The following JCAD variants were observed in gnomAD, a reference collection of about 807,000 sequenced individuals.
JCAD encodes junctional cadherin 5 associated.
In JCAD, 40 loss-of-function variants were observed where a neutral mutation model predicts 98.0. The ratio of observed to expected loss-of-function variants is 0.41; its 90% CI spans 0.32 to 0.53. JCAD has a LOEUF of 0.53. Among genes scored for constraint, JCAD ranks in the 20% least tolerant of loss-of-function variants. The pLI, the probability that JCAD is intolerant of heterozygous loss-of-function variation, is 0.31. For missense variants in JCAD, 1,705 were observed against 1,738.1 expected, an observed-to-expected ratio of 0.98 and a Z score of 0.34; for synonymous variants, 691 against 682.3, an observed-to-expected ratio of 1.01 and a Z score of -0.20.
intron 2 of JCAD, among the ~76,000 whole-genome samples, chr10:30,034,668 G>A (rs1418765764): frequency 6.6e-6 from 1 of 152,026 alleles, no homozygotes. Context: ...AAGCCACAGA[G>A]TCCTCCCCTG....
chr10:30,063,080 T>C (rs1195150045), upstream of JCAD, among the ~76,000 whole-genome samples: 1 of 151,590 alleles, frequency 6.6e-6, no homozygotes, highest in African/African-American at 2.4e-5. Context: ...CCCTTATCCC[T>C]ACCCACTCCC....
At position 30,027,557 on chromosome 10, in the gene JCAD, G is replaced by A. The variant is rs1836856136; in HGVS notation, c.2591C>T (p.Ala864Val). ...SSSSSSEESEAEPQQENRAHC... is the reference protein window; with the variant it reads ...SSSSSSEESEVEPQQENRAHC... ...AGCACGGTTCTCCTGCTGCGGCTCC[G>A]CCTCACTCTCCTCACTGCTGCTGCT... The change falls in exon 3 of 4, where the codon GCG (alanine) becomes GTG (valine). Residue 864 changes from alanine to valine, a missense_variant. By Grantham distance (64) the Ala-to-Val change is moderately conservative. Transcript: ENST00000375377. 1.2e-6 allele frequency: 2 copies of A among 1,613,882 alleles called. No individual in the cohort carries two copies. The highest frequency in any genetic ancestry group is 1.7e-6 in the Non-Finnish European group (2 of 1,180,038).
In JCAD at chr10:30,027,071, CCACCACTGT is replaced by C. The variant is rs1564442012; in HGVS notation, c.3068_3076del (p.Asp1023_Gly1025del). 2 of 1,614,232 alleles carry C rather than the reference CCACCACTGT, an allele frequency of 1.2e-6. No individual in the cohort carries two copies. The highest frequency in any genetic ancestry group is 1.7e-6 in the Non-Finnish European group (2 of 1,180,036). ...CAGTGGGAGCCCTGCCCCCCTCTCT[CCACCACTGT>C]CAAACTTCCGAGGGACCGCTTCACT... is the stretch of plus-strand genomic sequence containing the variant. On this transcript the variant is annotated inframe_deletion, in exon 3 of 4. Coordinates refer to ENST00000375377, the MANE Select transcript of JCAD (RefSeq NM_020848.4).
At chr10:30,031,303 G>T (rs1386095598) in intron 2 of JCAD, among the ~76,000 whole-genome samples, 1 of 151,832 alleles carries the variant, frequency 6.6e-6, no homozygotes, top group Non-Finnish European at 1.5e-5. Context: ...TAATTTTTAA[G>T]ATGTTTTTGT....
intron 1 of JCAD, among the ~76,000 whole-genome samples, chr10:30,086,349 A>G (rs984187265): frequency 5.9e-5 from 9 of 152,238 alleles, no homozygotes; most frequent in Admixed American, 4.6e-4. Context: ...GCATTCACTG[A>G]CAGGGCAGAA....
At chr10:30,096,724 G>A (rs796505303) in intron 1 of JCAD, among the ~76,000 whole-genome samples, 5 of 151,946 alleles carry the variant, frequency 3.3e-5, no homozygotes, top group African/African-American at 1.2e-4. Flanking sequence ...AGGCTCAGGT[G>A]GCGTCATGGA....
In JCAD at chr10:30,037,473, G is replaced by A. The variant is rs988418788; in HGVS notation, c.282-7607C>T. On this transcript the variant is annotated intron_variant, in intron 2 of 3. Coordinates refer to ENST00000375377, the MANE Select transcript of JCAD (RefSeq NM_020848.4). Reference sequence around the variant, plus strand: ...AATTTGAACAAGAATTGTAGGTTGCGCTGGCAGAATGGTAACTAGAAAATC... The same window carrying A: ...AATTTGAACAAGAATTGTAGGTTGCACTGGCAGAATGGTAACTAGAAAATC... Among the ~76,000 whole-genome samples, 6 of 152,334 alleles carry A rather than the reference G, an allele frequency of 3.9e-5. No individual in the cohort carries two copies. In the South Asian group the frequency reaches 8.3e-4, roughly 21 times the overall value.
chr10:30,020,094 C>A (rs1027191703), intron 3 of JCAD, among the ~76,000 whole-genome samples: 1 of 151,586 alleles, frequency 6.6e-6, no homozygotes, highest in African/African-American at 2.4e-5. Flanking sequence ...TTTAGGAGGC[C>A]GAGACAGGTG....
chr10:30,057,517 G>A (rs1478000879), intron 1 of JCAD, among the ~76,000 whole-genome samples: 2 of 152,126 alleles, frequency 1.3e-5, no homozygotes, highest in Non-Finnish European at 2.9e-5. Flanking sequence ...TAACCCTGAT[G>A]ACTTTGTCAA....
chr10:30,036,372 C>T (rs1589686756), intron 2 of JCAD, among the ~76,000 whole-genome samples: 1 of 152,042 alleles, frequency 6.6e-6, no homozygotes, highest in African/African-American at 2.4e-5. Context: ...TGGCTTGAAC[C>T]CAGGAGGTGG....
intron 1 of JCAD, among the ~76,000 whole-genome samples, chr10:30,092,633 C>T (rs1003126754): frequency 3.3e-5 from 5 of 152,168 alleles, no homozygotes; most frequent in Admixed American, 2.0e-4. Context: ...TTTCTCCTTC[C>T]TGTGGGCAGG....
chr10:30,031,589 C>G (rs953349190), intron 2 of JCAD, among the ~76,000 whole-genome samples: 1 of 151,000 alleles, frequency 6.6e-6, no homozygotes, highest in Admixed American at 6.6e-5. Context: ...TTACAGGCAC[C>G]TGCCACCACA....
intron 1 of JCAD, among the ~76,000 whole-genome samples, chr10:30,048,190 T>C (rs1837395263): frequency 6.6e-6 from 1 of 152,144 alleles, no homozygotes; most frequent in Non-Finnish European, 1.5e-5. Flanking sequence ...ACCTTCCCCT[T>C]GTCCCACTCA....
At chr10:30,039,780 C>G (rs1183799670) in intron 2 of JCAD, among the ~76,000 whole-genome samples, 1 of 152,052 alleles carries the variant, frequency 6.6e-6, no homozygotes, top group African/African-American at 2.4e-5. Flanking sequence ...ACTGGAGGGG[C>G]GGCGTGGGTT....
chr10:30,105,311 A>G (rs1179960570), intron 1 of JCAD, among the ~76,000 whole-genome samples: 1 of 151,754 alleles, frequency 6.6e-6, no homozygotes, highest in African/African-American at 2.4e-5. Context: ...GTGACATTCA[A>G]TCCCTAAGGG....
intron 1 of JCAD, among the ~76,000 whole-genome samples, chr10:30,076,279 G>A (rs1298435797): frequency 7.9e-5 from 12 of 151,906 alleles, no homozygotes; most frequent in African/African-American, 1.9e-4. Flanking sequence ...CACCTGCCTC[G>A]GCCTCCCAAA....
In JCAD at chr10:30,028,115, G is replaced by A. The variant is rs1836878120; in HGVS notation, c.2033C>T (p.Ser678Phe). 4 of 1,614,114 alleles carry A rather than the reference G, an allele frequency of 2.5e-6. No homozygotes were observed. Among genetic ancestry groups the A allele is most frequent in the African/African-American group, 1.3e-5 (1 of 74,944 alleles). Residue 678 changes from serine to phenylalanine, a missense_variant, in exon 3 of 4, where the codon TCT (serine) becomes TTT (phenylalanine). Ser to Phe is a radical substitution (Grantham distance 155). Around this residue, in one of 3 missense-constraint regions of JCAD, gnomAD observed 1,278 missense variants for 1,243.1 expected, o/e 1.03. Transcript: ENST00000375377. Reference protein sequence around the residue: ...HLTKHRELKHSGSWPGHRYRD... With the variant: ...HLTKHRELKHFGSWPGHRYRD... ...GTACCGGTGCCCTGGCCAAGAGCCA[G>A]AATGCTTGAGTTCTCTGTGCTTTGT... is the stretch of plus-strand genomic sequence containing the variant.
intron 1 of JCAD, among the ~76,000 whole-genome samples, chr10:30,048,909 T>TCAAATTTCTTCCCCAAAAA (rs1837412374): frequency 6.6e-6 from 1 of 152,100 alleles, no homozygotes; most frequent in African/African-American, 2.4e-5. Flanking sequence ...TCCCAGTAGA[T>TCAAATTTCTTCCCCAAAAA]CTTGGGGAAA....
intron 1 of JCAD, among the ~76,000 whole-genome samples, chr10:30,079,178 C>T (rs1209348674): frequency 6.6e-6 from 1 of 151,956 alleles, no homozygotes; most frequent in Non-Finnish European, 1.5e-5. Flanking sequence ...GAAACCCCGT[C>T]CCTACTAAAA....
Sources: gnomAD v4.1 joint callset for allele counts (sites outside exome capture counted in the v4.1 genomes callset) on GRCh38, gnomAD v4.1.1 for gene constraint, gnomAD v4.1.1 regional missense constraint, MANE v1.5 for transcripts, NCBI Gene and HGNC (gene_info 2026-07-23, HGNC 2026-07-21) for gene names.